The following SLC22A24 variants were observed in gnomAD, a reference collection of about 807,000 sequenced individuals.
SLC22A24 encodes the protein solute carrier family 22 member 24.
Under a neutral mutation model 49.8 loss-of-function variants are expected in SLC22A24, and 53 were observed. The observed-to-expected ratio is 1.06, with a 90% CI of 0.85 to 1.34. SLC22A24 has a LOEUF of 1.34. Ranked by LOEUF, SLC22A24 falls within the 40% of genes most tolerant of loss-of-function variation. SLC22A24 has a pLI of 0.00. For missense variants in SLC22A24, 786 were observed against 675.9 expected (o/e 1.16, Z -1.81); for synonymous variants, 302 against 256.4 (o/e 1.18, Z -1.70).
rs1490435222 is a variant in SLC22A24 at position 63,081,030 on chromosome 11, T to C, written c.1488A>G (p.Leu496=). The C allele has an allele frequency of 7.7e-6, 12 of 1,551,456 alleles. No homozygotes were observed. The highest frequency in any genetic ancestry group is 1.0e-5 in the Non-Finnish European group (12 of 1,146,960). ...LMTLMAYSPH[L]PWISYGVFPI... ...GGAAGACTCCATAGGAAATCCAGGG[T>C]AGGTGGGGAGAATACGCCATTAAGG... is the stretch of plus-strand genomic sequence containing the variant. The change falls in exon 9 of 10, where the codon CTA becomes CTG. Residue 496 remains leucine (L), a synonymous_variant. Coordinates refer to ENST00000612278, the MANE Select transcript of SLC22A24 (RefSeq NM_001136506.2).
intron 5 of SLC22A24, among the ~76,000 whole-genome samples, chr11:63,103,693 C>G (rs1482405465): frequency 6.6e-6 from 1 of 152,142 alleles, no homozygotes; most frequent in East Asian, 1.9e-4. Flanking sequence ...GGTCTTTTAT[C>G]TATTTTACTG....
rs184259316 is a variant in SLC22A24 at position 63,081,261 on chromosome 11, G to C, written c.1395-138C>G. 241 of 732,286 alleles carry C rather than the reference G, an allele frequency of 3.3e-4. No individual in the cohort carries two copies. The African/African-American group carries it at 3.9e-3, about 12-fold the overall frequency. 45.4% of individuals were successfully genotyped at this position (732,286 alleles called of 1,614,324 possible). On this transcript the variant is annotated intron_variant, in intron 8 of 9. Transcript: ENST00000612278. Reference sequence around the variant, plus strand: ...GCTTTGACAGCAAGCCCTTAATTGTGACATTTACCTCTGTTGGTTTCTACC... The same window carrying C: ...GCTTTGACAGCAAGCCCTTAATTGTCACATTTACCTCTGTTGGTTTCTACC...
chr11:63,120,649 GTTAACTT>G (rs1565335276), intron 2 of SLC22A24, among the ~76,000 whole-genome samples: 1 of 152,006 alleles, frequency 6.6e-6, no homozygotes, highest in African/African-American at 2.4e-5. Context: ...CCTTTCTAGA[GTTAACTT>G]TGACCAAATT....
chr11:63,100,088 A>G (rs2087081604), intron 5 of SLC22A24, among the ~76,000 whole-genome samples: 1 of 152,198 alleles, frequency 6.6e-6, no homozygotes, highest in South Asian at 2.1e-4. Flanking sequence ...CAATCAGACA[A>G]GAGACAGATA....
rs2086956292 is a variant in SLC22A24 at position 63,080,991 on chromosome 11, G to T, written c.1527C>A (p.Val509=). The T allele has an allele frequency of 1.3e-6, 2 of 1,552,158 alleles. No individual in the cohort carries two copies. The highest frequency in any genetic ancestry group is 1.7e-4 in the Middle Eastern group (1 of 5,944). ...ISYGVFPILA[V]PVILLLPETR... The stretch of plus-strand genomic sequence containing the variant: ...TTTCTGGAAGGAGGAGGATAACAGG[G>T]ACAGCAAGGATGGGGAAGACTCCAT... The change falls in exon 9 of 10, where the codon GTC becomes GTA. Residue 509 remains valine, a synonymous_variant. Coordinates refer to ENST00000612278, the MANE Select transcript of SLC22A24 (RefSeq NM_001136506.2).
chr11:63,094,905 C>T (rs1055491613), intron 6 of SLC22A24, among the ~76,000 whole-genome samples: 2 of 151,938 alleles, frequency 1.3e-5, no homozygotes, highest in Non-Finnish European at 2.9e-5. Flanking sequence ...GAGTAGGTTG[C>T]AACAATTTTC....
In SLC22A24 at chr11:63,083,275, A is replaced by T. The variant is rs749882911; in HGVS notation, c.1253T>A (p.Leu418His). The change falls in exon 7 of 10, where the codon CTT becomes CAT. Residue 418 changes from leucine to histidine, a missense_variant. By Grantham distance (99) the Leu-to-His change is moderately conservative. Transcript: ENST00000612278. ...SQILFTFPVG[L>H]FILVNTFLPQ... ...CAAAAAGGTGTTGACCAGAATGAAA[A>T]GTCCCACCGGGAACGTGAACAATAT... is the stretch of plus-strand genomic sequence containing the variant. 2 of 1,559,942 alleles carry T rather than the reference A, an allele frequency of 1.3e-6. No individual in the cohort carries two copies. The highest frequency in any genetic ancestry group is 1.9e-5 in the Admixed American group (1 of 51,980).
chr11:63,143,767 C>T lies in SLC22A24; in HGVS notation c.13G>A (p.Val5Met), dbSNP rs2087433504. 1 of 1,422,796 alleles carries T rather than the reference C, an allele frequency of 7.0e-7. No homozygotes were observed. The highest frequency in any genetic ancestry group is 9.2e-7 in the Non-Finnish European group (1 of 1,084,296). The allele number at this position is 1,422,796 out of a possible 1,614,324, so 88.1% of individuals were successfully genotyped here. ...ATGCCACCCACTTGATCCAGGAGCACATCAAAGCCCATTGAGACTGAACAG... is the reference window on the plus strand; with the variant it reads ...ATGCCACCCACTTGATCCAGGAGCATATCAAAGCCCATTGAGACTGAACAG... MGFD[V>M]LLDQVGGMGR... The change falls in exon 1 of 10, where the codon GTG becomes ATG. Residue 5 changes from valine (V) to methionine (M), a missense_variant. Val to Met is a conservative substitution (Grantham distance 21, BLOSUM62 1). Transcript: ENST00000612278.
chr11:63,119,026 C>A lies in SLC22A24; in HGVS notation c.716G>T (p.Cys239Phe). 1.3e-6 allele frequency: 2 copies of A among 1,551,640 alleles called. No individual in the cohort carries two copies. Among genetic ancestry groups the A allele is most frequent in the Middle Eastern group, 1.7e-4 (1 of 5,990 alleles). The change falls in exon 4 of 10, where the codon TGT becomes TTT. Residue 239 changes from cysteine (C) to phenylalanine (F), a missense_variant. Transcript: ENST00000612278. ...GAGCATCTGCCCAACACTGTAGGAA[C>A]ATAATAGCACCATTATTGTCATAGA... ...SRSMTIMVLLCSYSVGQMLLG... is the reference protein window; with the variant it reads ...SRSMTIMVLLFSYSVGQMLLG...
chr11:63,110,975 G>T (rs1387605119), intron 4 of SLC22A24, among the ~76,000 whole-genome samples: 1 of 151,982 alleles, frequency 6.6e-6, no homozygotes, highest in East Asian at 1.9e-4. Context: ...GTATGATATT[G>T]GCTGTGGGTT....
At chr11:63,121,856 T>C (rs920988379) in intron 2 of SLC22A24, among the ~76,000 whole-genome samples, 2 of 152,170 alleles carry the variant, frequency 1.3e-5, no homozygotes, top group African/African-American at 4.8e-5. Flanking sequence ...GTTCTCATTG[T>C]TCAATTCCCA....
At position 63,135,840 on chromosome 11, in the gene SLC22A24, T is replaced by C. The variant is rs376734816; in HGVS notation, c.403-1072A>G. Among the ~76,000 whole-genome samples the C allele has an allele frequency of 9.3e-4, 142 of 152,206 alleles. 1 individual carries two copies. Among genetic ancestry groups the C allele is most frequent in the Admixed American group, 4.1e-3 (62 of 15,284 alleles). ...TAATGAACATACAGTGCAGTGGTGG[T>C]TCAAGAAGTTTTGCAAAGGAGACGA... On this transcript the variant is annotated intron_variant, in intron 1 of 9. Transcript: ENST00000612278.
chr11:63,114,356 C>T (rs557820734), intron 4 of SLC22A24, among the ~76,000 whole-genome samples: 36 of 152,220 alleles, frequency 2.4e-4, no homozygotes, highest in African/African-American at 7.9e-4. Context: ...TTGATTGACT[C>T]GGCTATTGAA....
At chr11:63,107,357 A>G (rs1343745560) in intron 4 of SLC22A24, among the ~76,000 whole-genome samples, 1 of 152,126 alleles carries the variant, frequency 6.6e-6, no homozygotes, top group Non-Finnish European at 1.5e-5. Context: ...GTTTGAAGTC[A>G]GGTAGTGTGA....
intron 5 of SLC22A24, 124 bp downstream of exon 5, chr11:63,104,051 A>G (rs1052684798): frequency 1.2e-6 from 1 of 854,164 alleles, no homozygotes; most frequent in East Asian, 2.8e-5. Context: ...ATATTTTATC[A>G]GGACAGAGAT....
intron 2 of SLC22A24, among the ~76,000 whole-genome samples, chr11:63,127,295 A>C (rs575117159): frequency 6.6e-5 from 10 of 152,324 alleles, no homozygotes; most frequent in African/African-American, 2.4e-4. Flanking sequence ...AAGTCCCTGC[A>C]AAGGACATGA....
intron 2 of SLC22A24, among the ~76,000 whole-genome samples, chr11:63,124,566 A>G (rs145921583): frequency 6.6e-6 from 1 of 152,164 alleles, no homozygotes; most frequent in Non-Finnish European, 1.5e-5. Context: ...ATATCCCTTC[A>G]CTATTTTAGA....
intron 6 of SLC22A24, among the ~76,000 whole-genome samples, chr11:63,086,957 C>A (rs1296639953): frequency 6.7e-6 from 1 of 149,120 alleles, no homozygotes; most frequent in Non-Finnish European, 1.5e-5. Context: ...CTTTGTAGTA[C>A]TGTGCATTTA....
At chr11:63,081,495 C>T in intron 8 of SLC22A24, 63 bp downstream of exon 8, 1 of 1,143,090 alleles carries the variant, frequency 8.7e-7, no homozygotes, top group Non-Finnish European at 1.3e-6. Flanking sequence ...CTTTCATTCA[C>T]AATGAATATC....
Sources: gnomAD v4.1 joint callset for allele counts (sites outside exome capture counted in the v4.1 genomes callset) on GRCh38, gnomAD v4.1.1 for gene constraint, MANE v1.5 for transcripts, NCBI Gene and HGNC (gene_info 2026-07-23, HGNC 2026-07-21) for gene names.